The following ELOC variants were observed in gnomAD, a reference collection of about 807,000 sequenced individuals.
ELOC encodes the protein elongin-C.
For synonymous variants in ELOC, 40 were observed against 51.3 expected (o/e 0.78, Z 0.94); for missense variants, 38 against 139.0 (o/e 0.27, Z 3.65).
chr8:73,951,106 A>T (rs1813726847), intron 3 of ELOC, among the ~76,000 whole-genome samples: 1 of 151,954 alleles, frequency 6.6e-6, no homozygotes, highest in Non-Finnish European at 1.5e-5. Flanking sequence ...CCCCATCTCT[A>T]CTAAAAATAC....
chr8:73,965,662 T>C (rs1814923399), intron 1 of ELOC, among the ~76,000 whole-genome samples: 1 of 152,226 alleles, frequency 6.6e-6, no homozygotes, highest in African/African-American at 2.4e-5. Flanking sequence ...CAAAACTAAA[T>C]GGTACAATTA....
intron 1 of ELOC, among the ~76,000 whole-genome samples, chr8:73,962,052 T>C (rs931491886): frequency 6.6e-6 from 1 of 151,644 alleles, no homozygotes; most frequent in Non-Finnish European, 1.5e-5. Flanking sequence ...CATGGGACCA[T>C]GTCCAGCTAA....
intron 3 of ELOC, among the ~76,000 whole-genome samples, chr8:73,952,215 C>G (rs1174411008): frequency 6.6e-6 from 1 of 151,918 alleles, no homozygotes; most frequent in African/African-American, 2.4e-5. Context: ...ACCAGCCTGG[C>G]CAACACGGTG....
chr8:73,946,273 C>A lies in ELOC; in HGVS notation c.*357G>T, dbSNP rs1586586562. On this transcript the variant is annotated 3_prime_UTR_variant, in exon 4 of 4. Coordinates refer to ENST00000520242, the MANE Select transcript of ELOC (RefSeq NM_005648.4). ...TAGGTTTCTAAAAAACCACTAAAAA[C>A]ATAAAAATACTTAGCCTCATTATTT... The A allele has an allele frequency of 6.0e-6, 1 of 166,446 alleles. No individual in the cohort carries two copies. Among genetic ancestry groups the A allele is most frequent in the Non-Finnish European group, 1.3e-5 (1 of 77,430 alleles). The allele number at this position is 166,446 out of a possible 1,614,324, so 10.3% of individuals were successfully genotyped here.
chr8:73,954,652 A>C (rs1202906675), intron 3 of ELOC, among the ~76,000 whole-genome samples: 1 of 64,830 alleles, frequency 1.5e-5, no homozygotes, highest in African/African-American at 4.8e-5. Context: ...ACTCCGTCTC[A>C]AAAAAAAAAA....
intron 3 of ELOC, among the ~76,000 whole-genome samples, chr8:73,952,508 C>T (rs180820736): frequency 0.019 from 2,797 of 148,218 alleles, 66 homozygotes; most frequent in Non-Finnish European, 0.029. Context: ...TGGCCAGGTG[C>T]GGTGGCTCAT....
At chr8:73,968,365 A>T (rs1348783284) in intron 1 of ELOC, among the ~76,000 whole-genome samples, 1 of 152,128 alleles carries the variant, frequency 6.6e-6, no homozygotes, top group Non-Finnish European at 1.5e-5. Context: ...CACAACACAG[A>T]ACTTAAGGGC....
chr8:73,951,285 A>G (rs1273037739), intron 3 of ELOC, among the ~76,000 whole-genome samples: 73 of 152,232 alleles, frequency 4.8e-4, no homozygotes, highest in Non-Finnish European at 2.1e-4. Context: ...GTTAATAACT[A>G]TTGAAGCTGG....
At chr8:73,951,950 G>A (rs1813800117) in intron 3 of ELOC, among the ~76,000 whole-genome samples, 1 of 152,112 alleles carries the variant, frequency 6.6e-6, no homozygotes, top group South Asian at 2.1e-4. Flanking sequence ...ATGGTAGTGG[G>A]ATAGCCACAT....
intron 3 of ELOC, chr8:73,955,669 G>T: frequency 2.1e-6 from 1 of 473,644 alleles, no homozygotes; most frequent in Middle Eastern, 5.9e-4. Context: ...CTACTCTGAG[G>T]CAGGAGAATT....
At chr8:73,970,259 T>C (rs1815262849) in intron 1 of ELOC, among the ~76,000 whole-genome samples, 1 of 152,094 alleles carries the variant, frequency 6.6e-6, no homozygotes, top group East Asian at 1.9e-4. Context: ...AAAATAAATA[T>C]GAGCATAATA....
chr8:73,967,463 C>A (rs1301003565), intron 1 of ELOC, among the ~76,000 whole-genome samples: 5 of 136,744 alleles, frequency 3.7e-5, no homozygotes, highest in Non-Finnish European at 6.4e-5. Flanking sequence ...ATATAATTTT[C>A]TTTTCTTTTT....
chr8:73,954,219 T>C (rs1004291491), intron 3 of ELOC, among the ~76,000 whole-genome samples: 1 of 152,178 alleles, frequency 6.6e-6, no homozygotes, highest in Non-Finnish European at 1.5e-5. Flanking sequence ...GTATGGAGCT[T>C]GCTTTTGGAG....
intron 3 of ELOC, among the ~76,000 whole-genome samples, chr8:73,949,211 G>T (rs980723566): frequency 6.6e-6 from 1 of 152,154 alleles, no homozygotes; most frequent in Non-Finnish European, 1.5e-5. Flanking sequence ...ATATCTGTTG[G>T]TTGGGGGTAT....
At chr8:73,960,431 T>C (rs1418899599) in intron 1 of ELOC, among the ~76,000 whole-genome samples, 7 of 152,184 alleles carry the variant, frequency 4.6e-5, no homozygotes, top group East Asian at 3.9e-4. Context: ...TAACTCATAA[T>C]GGGCCTTTGG....
At chr8:73,958,318 T>C (rs895464077) in intron 2 of ELOC, among the ~76,000 whole-genome samples, 1 of 152,124 alleles carries the variant, frequency 6.6e-6, no homozygotes, top group African/African-American at 2.4e-5. Flanking sequence ...TAAATATTCA[T>C]CTATGTTATG....
At chr8:73,963,163 T>G (rs750024732) in intron 1 of ELOC, among the ~76,000 whole-genome samples, 13 of 152,210 alleles carry the variant, frequency 8.5e-5, no homozygotes, top group Non-Finnish European at 1.6e-4. Context: ...AGTTTTTTTG[T>G]GTATGTTTGT....
At chr8:73,966,390 T>C (rs967639278) in intron 1 of ELOC, among the ~76,000 whole-genome samples, 10 of 151,460 alleles carry the variant, frequency 6.6e-5, no homozygotes, top group South Asian at 2.1e-4. Flanking sequence ...TGTAGGAAGA[T>C]AGGAAAAGAG....
intron 2 of ELOC, among the ~76,000 whole-genome samples, chr8:73,956,714 T>C (rs1011515088): frequency 6.6e-6 from 1 of 152,232 alleles, no homozygotes; most frequent in African/African-American, 2.4e-5. Flanking sequence ...TACTCATTTT[T>C]AGAAATAAGA....
Sources: allele counts gnomAD v4.1 joint callset (sites outside exome capture counted in the v4.1 genomes callset), GRCh38; gene constraint gnomAD v4.1.1; transcripts MANE v1.5; gene names NCBI Gene and HGNC (gene_info 2026-07-23, HGNC 2026-07-21).